LARP4: variants seen among roughly 807,000 people sequenced by gnomAD.
The protein encoded by LARP4 is La ribonucleoprotein 4.
In LARP4, 29 loss-of-function variants were observed where a neutral mutation model predicts 92.9. That is an observed-to-expected ratio of 0.31 (90% confidence interval 0.23 to 0.43). LARP4 has a LOEUF of 0.43. Ranked by LOEUF, LARP4 falls within the 20% of genes least tolerant of loss-of-function variation. LARP4 has a pLI of 1.00. For synonymous variants in LARP4, 279 were observed against 284.1 expected (o/e 0.98, Z 0.18); for missense variants, 732 against 860.0 (o/e 0.85, Z 1.86).
chr12:50,410,500 G>T (rs1040919930), intron 1 of LARP4, among the ~76,000 whole-genome samples: 54 of 151,416 alleles, frequency 3.6e-4, no homozygotes, highest in African/African-American at 1.3e-3. Flanking sequence ...CCACCTCCTG[G>T]GTTCACGCCA....
chr12:50,432,088 G>A (rs1949740608), intron 4 of LARP4, among the ~76,000 whole-genome samples: 1 of 151,884 alleles, frequency 6.6e-6, no homozygotes. Flanking sequence ...GTAAGCCGAG[G>A]TTGCAGCACT....
chr12:50,410,348 C>T (rs1945641434), intron 1 of LARP4, among the ~76,000 whole-genome samples: 1 of 151,508 alleles, frequency 6.6e-6, no homozygotes, highest in Admixed American at 6.6e-5. Flanking sequence ...GCTGCGATTA[C>T]AGGTGTGAGG....
chr12:50,412,619 A>C (rs577757642), intron 1 of LARP4, among the ~76,000 whole-genome samples: 2 of 152,176 alleles, frequency 1.3e-5, no homozygotes, highest in East Asian at 3.9e-4. Flanking sequence ...TTTCATTTTT[A>C]TCTCTCTGAA....
intron 12 of LARP4, among the ~76,000 whole-genome samples, chr12:50,463,469 A>G (rs1012594005): frequency 4.0e-5 from 6 of 149,368 alleles, no homozygotes; most frequent in African/African-American, 1.5e-4. Flanking sequence ...ACCATGGTGC[A>G]CGCCTGTTGT....
At chr12:50,422,705 G>A (rs1016396161) in intron 1 of LARP4, among the ~76,000 whole-genome samples, 2 of 151,230 alleles carry the variant, frequency 1.3e-5, no homozygotes, top group Non-Finnish European at 2.9e-5. Context: ...GCTAATATAT[G>A]TAGAAATATG....
chr12:50,402,658 C>T (rs936990583), intron 1 of LARP4: 6 of 379,562 alleles, frequency 1.6e-5, no homozygotes, highest in African/African-American at 1.3e-4. Context: ...TAAAGCGATA[C>T]TTAATATGTT....
chr12:50,403,114 A>G (rs1194768483), intron 1 of LARP4, among the ~76,000 whole-genome samples: 1 of 152,208 alleles, frequency 6.6e-6, no homozygotes, highest in Non-Finnish European at 1.5e-5. Flanking sequence ...ATTCAAGTGT[A>G]AATAATGTGG....
intron 10 of LARP4, among the ~76,000 whole-genome samples, chr12:50,457,044 C>T (rs1002445217): frequency 6.6e-6 from 1 of 152,002 alleles, no homozygotes; most frequent in Non-Finnish European, 1.5e-5. Flanking sequence ...TTCTGAGTAG[C>T]TGGGACTACA....
chr12:50,469,786 G>A (rs1241688961), intron 13 of LARP4, among the ~76,000 whole-genome samples: 1 of 151,676 alleles, frequency 6.6e-6, no homozygotes, highest in Non-Finnish European at 1.5e-5. Flanking sequence ...GCACGCACCT[G>A]TAGTCCCAGC....
At position 50,475,817 on chromosome 12, in the gene LARP4, C is replaced by A. The variant is rs776176069; in HGVS notation, c.2128C>A (p.Arg710=). The A allele has an allele frequency of 6.2e-7, 1 of 1,613,968 alleles. No homozygotes were observed. The highest frequency in any genetic ancestry group is 8.5e-7 in the Non-Finnish European group (1 of 1,180,018). Residue 710 remains arginine, a synonymous_variant, in exon 16 of 16, where the codon CGA becomes AGA. Transcript: ENST00000398473. ...SHRAIPQGVT[R]RNGKEQYVPP... ...TAGGGCTATACCTCAGGGAGTGACT[C>A]GACGTAATGGCAAAGAGCAATATGT...
In LARP4 at chr12:50,477,913, G is replaced by T. The variant is rs995262185; in HGVS notation, c.*2049G>T. ...AATGCAGTTGGTGGAAATGATAAAC[G>T]TTTTAAGTGTTAACATCCTTTGAAT... is the stretch of plus-strand genomic sequence containing the variant. On this transcript the variant is annotated 3_prime_UTR_variant, in exon 16 of 16. Coordinates refer to ENST00000398473, the MANE Select transcript of LARP4 (RefSeq NM_052879.5). The T allele has an allele frequency of 6.6e-6, 1 of 152,466 alleles. No homozygotes were observed. The highest frequency in any genetic ancestry group is 1.5e-5 in the Non-Finnish European group (1 of 67,926). 9.4% of individuals were successfully genotyped at this position (152,466 alleles called of 1,614,324 possible). A position where few individuals can be genotyped will look rare whatever the true frequency, so the allele number is the denominator to read the frequency against.
chr12:50,464,804 C>G (rs1181364861), intron 12 of LARP4, among the ~76,000 whole-genome samples: 1 of 151,884 alleles, frequency 6.6e-6, no homozygotes, highest in Non-Finnish European at 1.5e-5. Flanking sequence ...GATTCTCTTG[C>G]CTCAGTCTCC....
At chr12:50,461,667 A>G (rs1955405893) in intron 11 of LARP4, among the ~76,000 whole-genome samples, 1 of 152,136 alleles carries the variant, frequency 6.6e-6, no homozygotes, top group East Asian at 1.9e-4. Context: ...CTTTTAAACT[A>G]TAGAAGTGGC....
At chr12:50,420,555 A>G (rs895838357) in intron 1 of LARP4, among the ~76,000 whole-genome samples, 1 of 152,238 alleles carries the variant, frequency 6.6e-6, no homozygotes. Context: ...GTAAAACCTC[A>G]TTAACAAATC....
At chr12:50,418,218 C>T (rs970125046) in intron 1 of LARP4, among the ~76,000 whole-genome samples, 3 of 152,080 alleles carry the variant, frequency 2.0e-5, no homozygotes, top group South Asian at 4.2e-4. Context: ...CCAGGCTGAT[C>T]TTGAACTCCT....
intron 1 of LARP4, among the ~76,000 whole-genome samples, chr12:50,402,967 G>A (rs1944148242): frequency 6.6e-6 from 1 of 152,190 alleles, no homozygotes; most frequent in African/African-American, 2.4e-5. Context: ...GGCTGAATAT[G>A]TGGTATTAAA....
intron 8 of LARP4, among the ~76,000 whole-genome samples, chr12:50,446,794 T>C (rs372964731): frequency 6.6e-6 from 1 of 152,060 alleles, no homozygotes; most frequent in South Asian, 2.1e-4. Context: ...ATTTTAACAT[T>C]AAAGTGTACT....
intron 8 of LARP4, among the ~76,000 whole-genome samples, chr12:50,450,631 T>TG (rs34334189): frequency 3.9e-5 from 6 of 152,142 alleles, no homozygotes; most frequent in Admixed American, 2.6e-4. Context: ...CCCGAGTAGC[T>TG]GGGATTACAG....
chr12:50,475,541 A>T lies in LARP4; in HGVS notation c.1852A>T (p.Ser618Cys). The T allele has an allele frequency of 6.2e-7, 1 of 1,603,396 alleles. No homozygotes were observed. The highest frequency in any genetic ancestry group is 8.5e-7 in the Non-Finnish European group (1 of 1,175,622). ...CACTTCAAAGGAACCCCGAAAGTTA[A>T]GTTATGCTGAAGTGTGCCAGAAGCC... ...AVALQEPRKL[S>C]YAEVCQKPPK... The change falls in exon 16 of 16, where the codon AGT becomes TGT. Residue 618 changes from serine (S) to cysteine (C), a missense_variant. Transcript: ENST00000398473.
Sources: gnomAD v4.1 joint callset for allele counts (sites outside exome capture counted in the v4.1 genomes callset) on GRCh38, gnomAD v4.1.1 for gene constraint, MANE v1.5 for transcripts, NCBI Gene and HGNC (gene_info 2026-07-23, HGNC 2026-07-21) for gene names.